PCNT: variants seen among roughly 807,000 people sequenced by gnomAD.
PCNT encodes the protein kendrin.
In PCNT, 319 loss-of-function variants were observed where a neutral mutation model predicts 380.4. The observed-to-expected ratio is 0.84, with a 90% CI of 0.77 to 0.92. PCNT has a LOEUF of 0.92. Ranked by LOEUF, PCNT falls within the 40% of genes least tolerant of loss-of-function variation. The probability of loss-of-function intolerance (pLI) is 0.00; values close to 1 mark genes in which losing one functional copy is unlikely to be tolerated. For synonymous variants in PCNT, 1,845 were observed against 1,735.2 expected (o/e 1.06, Z -1.57); for missense variants, 4,400 against 4,255.3 (o/e 1.03, Z -0.95).
At position 46,382,635 on chromosome 21, in the gene PCNT, GTGT is replaced by G. The variant is rs561476077; in HGVS notation, c.3312+799_3312+801del. On this transcript the variant is annotated intron_variant, in intron 16 of 46. Coordinates refer to ENST00000359568, the MANE Select transcript of PCNT (RefSeq NM_006031.6). ...ATTCAGTGGCGGAAGCGCATTCACG[GTGT>G]TGTGCGTTCAGTGGCGGAAGCGCAT... Among the ~76,000 whole-genome samples the G allele has an allele frequency of 2.7e-4, 38 of 140,936 alleles. 3 individuals carry two copies. Among genetic ancestry groups the G allele is most frequent in the South Asian group, 9.8e-4 (4 of 4,088 alleles). 92.5% of individuals were successfully genotyped at this position (140,936 alleles called of 152,430 possible).
At chr21:46,377,357 C>T (rs1445873164) in intron 15 of PCNT, among the ~76,000 whole-genome samples, 2 of 152,236 alleles carry the variant, frequency 1.3e-5, no homozygotes, top group African/African-American at 4.8e-5. Flanking sequence ...CCTTTCCTGC[C>T]TGCTAAGTAG....
chr21:46,434,820 G>GTCTATGTTGGTA (rs2087900171), intron 38 of PCNT, among the ~76,000 whole-genome samples: 1 of 152,214 alleles, frequency 6.6e-6, no homozygotes, highest in Admixed American at 6.5e-5. Flanking sequence ...GCCTGTCTGT[G>GTCTATGTTGGTA]TCTATGTTGG....
chr21:46,388,919 C>G lies in PCNT; in HGVS notation c.3607+35C>G, dbSNP rs771619967. Reference sequence around the variant, plus strand: ...CCGGGACCAGCTGCCCAGCCCTGTGCTTGCAGCCCCTCTGTGGTCCTGGAG... The same window carrying G: ...CCGGGACCAGCTGCCCAGCCCTGTGGTTGCAGCCCCTCTGTGGTCCTGGAG... On this transcript the variant is annotated intron_variant, in intron 18 of 46. Transcript: ENST00000359568. This position sits in a 1 kb window ranked among gnomAD's most constrained non-coding sequence, Gnocchi z 4.2. 3.2e-6 allele frequency: 5 copies of G among 1,562,446 alleles called. No homozygotes were observed. Among genetic ancestry groups the G allele is most frequent in the Non-Finnish European group, 4.3e-6 (5 of 1,160,216 alleles).
At chr21:46,370,086 G>A (rs2085064158) in intron 15 of PCNT, among the ~76,000 whole-genome samples, 2 of 152,340 alleles carry the variant, frequency 1.3e-5, no homozygotes, top group South Asian at 2.1e-4. Flanking sequence ...GTCTTCATCA[G>A]AGCGTTCAGG....
intron 8 of PCNT, among the ~76,000 whole-genome samples, 184 bp from the exon 9 acceptor site, chr21:46,351,245 T>TC (rs1381130419): frequency 2.0e-5 from 3 of 152,130 alleles, no homozygotes; most frequent in Non-Finnish European, 4.4e-5. Context: ...CGCTGACCGA[T>TC]CCCTCTTGTC....
chr21:46,398,730 ACT>A (rs2086293400), intron 24 of PCNT, among the ~76,000 whole-genome samples: 2 of 148,584 alleles, frequency 1.3e-5, no homozygotes, highest in South Asian at 4.2e-4. Context: ...ACCGAGCCTG[ACT>A]CTCTGGAGAT....
At chr21:46,403,778 A>G in intron 27 of PCNT, among the ~76,000 whole-genome samples, 1 of 136,848 alleles carries the variant, frequency 7.3e-6, no homozygotes, top group African/African-American at 2.9e-5. Context: ...GAATGAACAC[A>G]GCGTGGGAGA....
chr21:46,431,383 A>G, intron 37 of PCNT, 146 bp from the exon 38 acceptor site: 1 of 1,482,766 alleles, frequency 6.7e-7, no homozygotes. Context: ...TAACAAAAAA[A>G]TGTTGTCCCT....
At chr21:46,423,777 A>AGGAGGAAGAGAAG (rs2087363885) in intron 32 of PCNT, among the ~76,000 whole-genome samples, 1 of 65,178 alleles carries the variant, frequency 1.5e-5, no homozygotes, top group Non-Finnish European at 2.9e-5. Flanking sequence ...GAGGGGGATG[A>AGGAGGAAGAGAAG]GGAGGGGGAG....
At chr21:46,402,833 T>C (rs970612961) in intron 27 of PCNT, among the ~76,000 whole-genome samples, 3 of 152,178 alleles carry the variant, frequency 2.0e-5, no homozygotes, top group African/African-American at 7.2e-5. Flanking sequence ...AGGAGGTGAC[T>C]TGAGTAAGTG....
chr21:46,428,650 C>G (rs1193987716), intron 35 of PCNT, 60 bp downstream of exon 35: 1 of 1,409,984 alleles, frequency 7.1e-7, no homozygotes, highest in Non-Finnish European at 9.7e-7. Context: ...GCCCGACACT[C>G]ACCTGTGTGG....
At chr21:46,429,474 T>C (rs2087659034) in intron 35 of PCNT, among the ~76,000 whole-genome samples, 1 of 146,782 alleles carries the variant, frequency 6.8e-6, no homozygotes, top group African/African-American at 2.5e-5. Flanking sequence ...GTGCGATCGC[T>C]CGTGAGGGGC....
At chr21:46,333,943 A>C (rs2083640529) in intron 2 of PCNT, among the ~76,000 whole-genome samples, 1 of 152,092 alleles carries the variant, frequency 6.6e-6, no homozygotes, top group African/African-American at 2.4e-5. Flanking sequence ...GTGGTGGCTC[A>C]TGCCTGTAAT....
Position 46,445,446 on chromosome 21 carries a change from AG to A in PCNT, c.*120del. The A allele has an allele frequency of 1.2e-6, 1 of 830,450 alleles. No individual in the cohort carries two copies. The highest frequency in any genetic ancestry group is 2.1e-6 in the Non-Finnish European group (1 of 467,254). The allele number at this position is 830,450 out of a possible 1,614,324, so 51.4% of individuals were successfully genotyped here. ...ACTACTCTTCATGTGCGGTGACACC[AG>A]CCCCCAGATGCCTTGAATTAAGTGT... On this transcript the variant is annotated 3_prime_UTR_variant, in exon 47 of 47. Coordinates refer to ENST00000359568, the MANE Select transcript of PCNT (RefSeq NM_006031.6).
In PCNT at chr21:46,406,386, G is replaced by T. The variant is rs140297009; in HGVS notation, c.5115+3903G>T. ...TTAAATTTATCCTTAAATATTTTAG[G>T]TTTTTTGCACTATTGTAAGTGAGAT... On this transcript the variant is annotated intron_variant, in intron 27 of 46. Transcript: ENST00000359568. 1.5e-4 allele frequency among the ~76,000 whole-genome samples: 23 copies of T among 152,128 alleles called. 1 individual carries two copies. In the East Asian group the frequency reaches 3.7e-3, roughly 24 times the overall value.
intron 13 of PCNT, among the ~76,000 whole-genome samples, chr21:46,358,187 CAG>C (rs2084549017): frequency 6.6e-6 from 1 of 152,248 alleles, no homozygotes; most frequent in African/African-American, 2.4e-5. Flanking sequence ...CGGGGCAGCT[CAG>C]GGTCCATCCC....
rs776464612 is a variant in PCNT at position 46,411,474 on chromosome 21, G to T, written c.5401G>T (p.Ala1801Ser). 3.7e-6 allele frequency: 6 copies of T among 1,609,776 alleles called. No homozygotes were observed. The highest frequency in any genetic ancestry group is 5.1e-6 in the Non-Finnish European group (6 of 1,178,798). Residue 1801 changes from alanine to serine, a missense_variant, in exon 28 of 47, where the codon GCC (alanine) becomes TCC (serine). Transcript: ENST00000359568. ...ELEAALEAKE[A>S]LSRLLADQER... ...CGAGGCTGCGCTGGAAGCCAAGGAG[G>T]CCCTGAGCCGGCTGCTGGCTGACCA...
intron 3 of PCNT, among the ~76,000 whole-genome samples, chr21:46,345,724 C>T (rs975239631): frequency 9.9e-5 from 15 of 152,208 alleles, no homozygotes; most frequent in African/African-American, 2.9e-4. Context: ...GCCCGGTGCT[C>T]GCGGCAGCCA....
chr21:46,398,687 C>T (rs746243355), intron 24 of PCNT, among the ~76,000 whole-genome samples: 2 of 152,232 alleles, frequency 1.3e-5, no homozygotes, highest in African/African-American at 2.4e-5. Context: ...ATGGGTGAAG[C>T]GTGCCTGTCA....
Sources: allele counts gnomAD v4.1 joint callset (sites outside exome capture counted in the v4.1 genomes callset), GRCh38; gene constraint gnomAD v4.1.1; non-coding constraint Gnocchi (gnomAD v3.1); transcripts MANE v1.5; gene names NCBI Gene and HGNC (gene_info 2026-07-23, HGNC 2026-07-21).